Variants in TMEM170B observed in about 807,000 individuals in gnomAD.
The protein encoded by TMEM170B is transmembrane protein 170B.
Under a neutral mutation model 13.0 loss-of-function variants are expected in TMEM170B, and 6 were observed. The observed-to-expected ratio is 0.46, with a 90% CI of 0.25 to 0.91. The LOEUF (loss-of-function observed/expected upper bound fraction) is 0.91, where lower values mean the gene tolerates loss of function less well. Ranked by LOEUF, TMEM170B falls within the 40% of genes least tolerant of loss-of-function variation. The pLI, the probability that TMEM170B is intolerant of heterozygous loss-of-function variation, is 0.17. For synonymous variants in TMEM170B, 61 were observed against 64.9 expected, an observed-to-expected ratio of 0.94 and a Z score of 0.29; for missense variants, 138 against 165.2, an observed-to-expected ratio of 0.84 and a Z score of 0.90.
chr6:11,562,634 T>C (rs1371073476), intron 1 of TMEM170B, among the ~76,000 whole-genome samples: 1 of 152,094 alleles, frequency 6.6e-6, no homozygotes, highest in Non-Finnish European at 1.5e-5. Context: ...AACCAATACA[T>C]AGAGAGCTTA....
chr6:11,560,953 A>T (rs1759656053), intron 1 of TMEM170B, among the ~76,000 whole-genome samples: 1 of 152,204 alleles, frequency 6.6e-6, no homozygotes. Flanking sequence ...GAGCTGATGA[A>T]AGTTACAGAT....
intron 1 of TMEM170B, among the ~76,000 whole-genome samples, chr6:11,551,820 G>A (rs1422781446): frequency 6.6e-6 from 1 of 152,194 alleles, no homozygotes; most frequent in Non-Finnish European, 1.5e-5. Context: ...CTGTTCATGG[G>A]AGGGTAGAGA....
At chr6:11,543,045 C>T (rs897688196) in intron 1 of TMEM170B, among the ~76,000 whole-genome samples, 1 of 152,152 alleles carries the variant, frequency 6.6e-6, no homozygotes, top group Admixed American at 6.6e-5. Flanking sequence ...TCAGCTACTT[C>T]CTCCTTACTT....
chr6:11,545,280 C>CTCTCTCTGTGTGTGTG (rs1442789332), intron 1 of TMEM170B, among the ~76,000 whole-genome samples: 12 of 139,736 alleles, frequency 8.6e-5, no homozygotes, highest in Admixed American at 1.4e-4. Flanking sequence ...CTCTCTCTCT[C>CTCTCTCTGTGTGTGTG]TGTGTGTGTG....
intron 1 of TMEM170B, among the ~76,000 whole-genome samples, chr6:11,547,583 A>G (rs973836489): frequency 6.6e-6 from 1 of 152,168 alleles, no homozygotes; most frequent in South Asian, 2.1e-4. Context: ...TGCCAGTATG[A>G]TATGGCCTTC....
Position 11,549,493 on chromosome 6 carries a change from C to T in TMEM170B, c.97+11119C>T, listed in dbSNP as rs192561971. Among the ~76,000 whole-genome samples, 119 of 151,906 alleles carry T rather than the reference C, an allele frequency of 7.8e-4. 1 individual carries two copies. The highest frequency in any genetic ancestry group is 3.4e-3 in the Middle Eastern group (1 of 294). ...CCTGGCTAACATGGTGAAACCCCGT[C>T]TCTACTAAAAATACAAAAAGTTAGC... On this transcript the variant is annotated intron_variant, in intron 1 of 2. Coordinates refer to ENST00000379426, the MANE Select transcript of TMEM170B (RefSeq NM_001100829.3).
At chr6:11,547,361 T>G (rs1231991913) in intron 1 of TMEM170B, among the ~76,000 whole-genome samples, 1 of 152,174 alleles carries the variant, frequency 6.6e-6, no homozygotes, top group Non-Finnish European at 1.5e-5. Context: ...AGCTTACCAT[T>G]AGGTTAAGTT....
chr6:11,538,439 C>T (rs1759311659), intron 1 of TMEM170B, 65 bp downstream of exon 1: 6 of 1,222,716 alleles, frequency 4.9e-6, no homozygotes. Context: ...TCTCCTTCCT[C>T]GGGAGGGGAC....
chr6:11,575,550 G>A lies in TMEM170B; in HGVS notation c.388G>A (p.Ala130Thr), dbSNP rs751710726. 90 of 1,612,812 alleles carry A rather than the reference G, an allele frequency of 5.6e-5. No homozygotes were observed. The highest frequency in any genetic ancestry group is 6.0e-5 in the Non-Finnish European group (71 of 1,179,318). ...AATCATCTCCTTTTCAAGGATCCTC[G>A]CTACACTTTGAGGTTTCTGTGGGAA... ...TLIISFSRILATL is the reference protein window; with the variant it reads ...TLIISFSRILTTL The change falls in exon 3 of 3, where the codon GCT (alanine) becomes ACT (threonine). Residue 130 changes from alanine (A) to threonine (T), a missense_variant. Coordinates refer to ENST00000379426, the MANE Select transcript of TMEM170B (RefSeq NM_001100829.3). This position sits in a 1 kb window ranked among gnomAD's most constrained non-coding sequence, Gnocchi z 4.1.
At position 11,545,280 on chromosome 6, in the gene TMEM170B, C is replaced by CTGTGTGTGTGTGTGTGTGTGTG. The variant is rs1210551633; in HGVS notation, c.97+6916_97+6937dup. Among the ~76,000 whole-genome samples the CTGTGTGTGTGTGTGTGTGTGTG allele has an allele frequency of 4.0e-3, 559 of 139,778 alleles. 9 individuals carry two copies. Among genetic ancestry groups the CTGTGTGTGTGTGTGTGTGTGTG allele is most frequent in the South Asian group, 0.024 (95 of 4,022 alleles). 91.7% of individuals were successfully genotyped at this position (139,778 alleles called of 152,430 possible). On this transcript the variant is annotated intron_variant, in intron 1 of 2. Transcript: ENST00000379426. ...TTAAAAGGCTTCTCTCTCTCTCTCT[C>CTGTGTGTGTGTGTGTGTGTGTG]TGTGTGTGTGTGTGTGTGTGTGTGT...
intron 2 of TMEM170B, among the ~76,000 whole-genome samples, chr6:11,567,819 T>C (rs1262747559): frequency 6.6e-6 from 1 of 152,170 alleles, no homozygotes; most frequent in East Asian, 1.9e-4. Context: ...CCGAGCCAGA[T>C]TCCAGAGGGC....
At chr6:11,549,159 T>A in intron 1 of TMEM170B, among the ~76,000 whole-genome samples, 1 of 152,196 alleles carries the variant, frequency 6.6e-6, no homozygotes, top group Non-Finnish European at 1.5e-5. Flanking sequence ...GATGAATAAG[T>A]CTACTGATGG....
chr6:11,544,716 C>A (rs1237208203), intron 1 of TMEM170B, among the ~76,000 whole-genome samples: 2 of 152,202 alleles, frequency 1.3e-5, no homozygotes, highest in Non-Finnish European at 2.9e-5. Context: ...TGCCAAAATT[C>A]TCTTTCTGTA....
At chr6:11,545,278 C>CTGTGTGTGTGTG (rs1222024504) in intron 1 of TMEM170B, among the ~76,000 whole-genome samples, 8 of 89,672 alleles carry the variant, frequency 8.9e-5, no homozygotes, top group Admixed American at 2.0e-4. Flanking sequence ...CTCTCTCTCT[C>CTGTGTGTGTGTG]TCTGTGTGTG....
At chr6:11,550,467 C>G in intron 1 of TMEM170B, among the ~76,000 whole-genome samples, 1 of 152,112 alleles carries the variant, frequency 6.6e-6, no homozygotes, top group South Asian at 2.1e-4. Context: ...GCCACTGTGC[C>G]CAGCCAATTT....
intron 2 of TMEM170B, among the ~76,000 whole-genome samples, chr6:11,568,226 G>T (rs1453333680): frequency 6.6e-6 from 1 of 152,118 alleles, no homozygotes; most frequent in African/African-American, 2.4e-5. Flanking sequence ...TAGAGTAATG[G>T]CCGTAGGTTG....
At chr6:11,559,929 T>C (rs586105) in intron 1 of TMEM170B, among the ~76,000 whole-genome samples, 25,522 of 151,908 alleles carry the variant, frequency 0.17, 2,883 homozygotes, top group South Asian at 0.42. Context: ...TAATGACTTT[T>C]AATAGAGAGG....
At chr6:11,545,963 G>C (rs185686610) in intron 1 of TMEM170B, among the ~76,000 whole-genome samples, 3 of 141,392 alleles carry the variant, frequency 2.1e-5, no homozygotes, top group African/African-American at 7.8e-5. Flanking sequence ...AGTGAGCCGA[G>C]ATTGCACCAG....
At chr6:11,543,010 C>T (rs1386997753) in intron 1 of TMEM170B, among the ~76,000 whole-genome samples, 1 of 152,144 alleles carries the variant, frequency 6.6e-6, no homozygotes, top group African/African-American at 2.4e-5. Context: ...CCTCTAGACT[C>T]CTCTTTCTTC....
Sources: allele counts gnomAD v4.1 joint callset (sites outside exome capture counted in the v4.1 genomes callset), GRCh38; gene constraint gnomAD v4.1.1; non-coding constraint Gnocchi (gnomAD v3.1); transcripts MANE v1.5; gene names NCBI Gene and HGNC (gene_info 2026-07-23, HGNC 2026-07-21).